Variants in CTNNA3 observed in about 807,000 individuals in gnomAD.
The protein encoded by CTNNA3 is catenin alpha 3, also known as catenin alpha-3.
Under a neutral mutation model 95.7 loss-of-function variants are expected in CTNNA3, and 76 were observed. That is an observed-to-expected ratio of 0.79 (90% confidence interval 0.66 to 0.96). The LOEUF (loss-of-function observed/expected upper bound fraction) is 0.96, where lower values mean the gene tolerates loss of function less well. Ranked by LOEUF, CTNNA3 falls within the 40% of genes least tolerant of loss-of-function variation. The pLI is 0.00. For missense variants in CTNNA3, 1,191 were observed against 1,089.8 expected (o/e 1.09, Z -1.31); for synonymous variants, 431 against 374.4 (o/e 1.15, Z -1.74).
At chr10:67,064,868 A>T (rs2764810) in intron 7 of CTNNA3, among the ~76,000 whole-genome samples, 1 of 151,764 alleles carries the variant, frequency 6.6e-6, no homozygotes, top group African/African-American at 2.4e-5. Flanking sequence ...TTTATATGTA[A>T]GTATTTGCAG....
chr10:66,883,515 G>A (rs16923657), intron 7 of CTNNA3, among the ~76,000 whole-genome samples: 3,812 of 152,196 alleles, frequency 0.025, 179 homozygotes, highest in East Asian at 0.22. Context: ...TCACACACCT[G>A]TTGCACCTAA....
intron 5 of CTNNA3, among the ~76,000 whole-genome samples, chr10:67,445,745 A>G (rs931585464): frequency 1.3e-5 from 2 of 152,208 alleles, no homozygotes; most frequent in Admixed American, 1.3e-4. Context: ...GAATAATAAC[A>G]GGATCATCAA....
intron 1 of CTNNA3, among the ~76,000 whole-genome samples, chr10:67,654,280 T>C (rs1839959498): frequency 1.3e-5 from 2 of 152,158 alleles, no homozygotes; most frequent in Non-Finnish European, 1.5e-5. Context: ...GCCTATTACA[T>C]AGAATTGTAA....
intron 17 of CTNNA3, among the ~76,000 whole-genome samples, chr10:65,957,792 G>T (rs1269037802): frequency 6.6e-6 from 1 of 152,116 alleles, no homozygotes; most frequent in African/African-American, 2.4e-5. Flanking sequence ...TGGGTAACCC[G>T]ACCTTTCTCT....
chr10:65,992,873 T>C (rs913265326), intron 15 of CTNNA3, among the ~76,000 whole-genome samples: 2 of 152,162 alleles, frequency 1.3e-5, no homozygotes, highest in Non-Finnish European at 2.9e-5. Flanking sequence ...AGTAGGAATT[T>C]ATTGCTATGA....
chr10:67,482,097 C>T (rs1237729441), intron 5 of CTNNA3, among the ~76,000 whole-genome samples: 1 of 151,800 alleles, frequency 6.6e-6, no homozygotes, highest in Non-Finnish European at 1.5e-5. Context: ...TGTTCTGTTC[C>T]ATTGATCTAT....
chr10:66,984,398 AT>A (rs1389493414), intron 7 of CTNNA3, among the ~76,000 whole-genome samples: 1 of 152,140 alleles, frequency 6.6e-6, no homozygotes, highest in Non-Finnish European at 1.5e-5. Flanking sequence ...TAAGAAGTTA[AT>A]TTTTTCTTGC....
intron 15 of CTNNA3, among the ~76,000 whole-genome samples, chr10:66,048,459 A>G (rs1277370612): frequency 2.0e-5 from 3 of 152,064 alleles, no homozygotes; most frequent in African/African-American, 7.2e-5. Flanking sequence ...TCCTTATACC[A>G]CATACAAAAA....
chr10:66,782,753 G>A (rs1353465064), intron 7 of CTNNA3, among the ~76,000 whole-genome samples: 1 of 151,978 alleles, frequency 6.6e-6, no homozygotes, highest in Non-Finnish European at 1.5e-5. Context: ...AATACATTGA[G>A]TGTTTGTATT....
chr10:66,980,595 G>C (rs892133878), intron 7 of CTNNA3, among the ~76,000 whole-genome samples: 3 of 147,972 alleles, frequency 2.0e-5, no homozygotes, highest in African/African-American at 7.5e-5. Flanking sequence ...AGCCAAATGA[G>C]TAGCAACGTG....
intron 5 of CTNNA3, among the ~76,000 whole-genome samples, chr10:67,245,401 C>T (rs1013138410): frequency 6.6e-6 from 1 of 152,042 alleles, no homozygotes; most frequent in African/African-American, 2.4e-5. Flanking sequence ...TGTTTGTTTT[C>T]TGTCTTCTCC....
intron 11 of CTNNA3, among the ~76,000 whole-genome samples, chr10:66,506,003 C>T (rs1324097260): frequency 6.6e-6 from 1 of 152,146 alleles, no homozygotes; most frequent in Non-Finnish European, 1.5e-5. Flanking sequence ...CCAGCACCTA[C>T]TTCTGGTGAG....
intron 4 of CTNNA3, among the ~76,000 whole-genome samples, chr10:67,536,605 C>G (rs1474941393): frequency 6.6e-6 from 1 of 151,968 alleles, no homozygotes; most frequent in Non-Finnish European, 1.5e-5. Flanking sequence ...CTGATATTTC[C>G]CAAAGTATGG....
chr10:66,305,732 C>T (rs1208729739), intron 12 of CTNNA3, among the ~76,000 whole-genome samples: 1 of 152,152 alleles, frequency 6.6e-6, no homozygotes, highest in African/African-American at 2.4e-5. Context: ...TCAATGACAA[C>T]TCTGATACTG....
Position 66,019,977 on chromosome 10 carries a change from A to T in CTNNA3, c.2160-31180T>A, listed in dbSNP as rs142941091. ...TTTACCTCAGAGGAATTACAATGGA[A>T]ATAGATTGAGTTCTCCAATGCTACC... On this transcript the variant is annotated intron_variant, in intron 15 of 17. Coordinates refer to ENST00000433211, the MANE Select transcript of CTNNA3 (RefSeq NM_013266.4). 8.5e-4 allele frequency among the ~76,000 whole-genome samples: 129 copies of T among 152,346 alleles called. 1 individual carries two copies. The highest frequency in any genetic ancestry group is 3.0e-3 in the African/African-American group (126 of 41,594).
intron 7 of CTNNA3, among the ~76,000 whole-genome samples, chr10:66,886,440 G>A (rs1183850724): frequency 6.6e-6 from 1 of 152,008 alleles, no homozygotes; most frequent in Admixed American, 6.6e-5. Flanking sequence ...CCCTGATACT[G>A]GGACCCTTAT....
chr10:66,221,286 C>T (rs2088915055), intron 13 of CTNNA3, among the ~76,000 whole-genome samples: 1 of 152,124 alleles, frequency 6.6e-6, no homozygotes, highest in African/African-American at 2.4e-5. Flanking sequence ...CTAGAGAAGG[C>T]CCAGTTCACT....
At chr10:66,848,728 C>T (rs909153740) in intron 7 of CTNNA3, among the ~76,000 whole-genome samples, 17 of 152,094 alleles carry the variant, frequency 1.1e-4, no homozygotes, top group African/African-American at 4.1e-4. Context: ...TGAAATTTAA[C>T]ATATCAGAAC....
intron 15 of CTNNA3, among the ~76,000 whole-genome samples, chr10:66,024,458 T>C (rs995540436): frequency 6.6e-6 from 1 of 152,170 alleles, no homozygotes; most frequent in Non-Finnish European, 1.5e-5. Flanking sequence ...TTGATAATGG[T>C]TTGAAAATGT....
Sources: gnomAD v4.1 joint callset for allele counts (sites outside exome capture counted in the v4.1 genomes callset) on GRCh38, gnomAD v4.1.1 for gene constraint, MANE v1.5 for transcripts, NCBI Gene and HGNC (gene_info 2026-07-23, HGNC 2026-07-21) for gene names.